DRAM2: variants seen among roughly 807,000 people sequenced by gnomAD.
The protein encoded by DRAM2 is DNA damage-regulated autophagy modulator protein 2.
A neutral mutation model predicts 33.5 loss-of-function variants in DRAM2; 26 were observed. That is an observed-to-expected ratio of 0.78 (90% CI 0.57 to 1.08). DRAM2 has a LOEUF of 1.08. Among genes scored for constraint, DRAM2 ranks in the 50% least tolerant of loss-of-function variants. DRAM2 has a pLI of 0.00. For synonymous variants in DRAM2, 98 were observed against 109.5 expected, an observed-to-expected ratio of 0.89 and a Z score of 0.66; for missense variants, 311 against 318.1, an observed-to-expected ratio of 0.98 and a Z score of 0.17.
intron 4 of DRAM2, among the ~76,000 whole-genome samples, chr1:111,128,517 G>A (rs185374184): frequency 8.4e-4 from 128 of 152,252 alleles, no homozygotes; most frequent in Middle Eastern, 3.4e-3. Context: ...CGGTATCTGT[G>A]GGGGACTGGT....
intron 4 of DRAM2, among the ~76,000 whole-genome samples, chr1:111,130,148 G>A (rs1016476915): frequency 6.6e-6 from 1 of 152,170 alleles, no homozygotes; most frequent in African/African-American, 2.4e-5. Flanking sequence ...CATTCGTTGT[G>A]AGATTTCAAA....
At chr1:111,129,932 T>C (rs982231104) in intron 4 of DRAM2, among the ~76,000 whole-genome samples, 37 of 152,316 alleles carry the variant, frequency 2.4e-4, no homozygotes, top group Non-Finnish European at 4.4e-4. Context: ...CTCTAGGGTG[T>C]AGAAACTGGA....
At chr1:111,126,995 C>G (rs192578395) in intron 4 of DRAM2, among the ~76,000 whole-genome samples, 2 of 152,254 alleles carry the variant, frequency 1.3e-5, no homozygotes, top group Non-Finnish European at 2.9e-5. Context: ...TGCAACACAC[C>G]GGGGCAGATT....
intron 5 of DRAM2, among the ~76,000 whole-genome samples, chr1:111,126,022 AT>A (rs1046031755): frequency 3.3e-5 from 5 of 151,700 alleles, no homozygotes; most frequent in African/African-American, 1.2e-4. Flanking sequence ...TCCGACACAT[AT>A]TTTTTTAAAG....
intron 6 of DRAM2, among the ~76,000 whole-genome samples, chr1:111,122,062 G>C (rs1650155611): frequency 6.6e-6 from 1 of 152,084 alleles, no homozygotes; most frequent in Non-Finnish European, 1.5e-5. Context: ...TGCAAAATTA[G>C]GCTTGAAAGG....
intron 2 of DRAM2, among the ~76,000 whole-genome samples, chr1:111,138,294 C>T (rs756102959): frequency 4.6e-5 from 7 of 152,174 alleles, no homozygotes; most frequent in Non-Finnish European, 8.8e-5. Context: ...CGAATGACAA[C>T]TGAGGAATTT....
At chr1:111,119,604 A>G (rs1649570204) in intron 8 of DRAM2, 2 of 405,756 alleles carry the variant, frequency 4.9e-6, no homozygotes, top group South Asian at 6.6e-5. Flanking sequence ...TATATTATAT[A>G]CTATACCCAC....
intron 4 of DRAM2, among the ~76,000 whole-genome samples, chr1:111,127,032 G>GTGGTAAGTAA (rs1651149244): frequency 6.6e-6 from 1 of 152,246 alleles, no homozygotes; most frequent in African/African-American, 2.4e-5. Context: ...CTTACTGCAG[G>GTGGTAAGTAA]ACCTTAGGTT....
chr1:111,122,908 CAATA>C (rs1335859325), intron 6 of DRAM2, among the ~76,000 whole-genome samples: 2 of 152,098 alleles, frequency 1.3e-5, no homozygotes, highest in Non-Finnish European at 2.9e-5. Flanking sequence ...AAAAGCAAAA[CAATA>C]AAGAAAGTAT....
intron 4 of DRAM2, among the ~76,000 whole-genome samples, chr1:111,127,287 T>A (rs747363331): frequency 2.0e-5 from 3 of 152,096 alleles, no homozygotes; most frequent in Non-Finnish European, 2.9e-5. Context: ...AAAGAGATAA[T>A]TAGGGTCTCA....
chr1:111,135,917 T>A (rs1162082129), intron 3 of DRAM2, among the ~76,000 whole-genome samples: 2 of 152,214 alleles, frequency 1.3e-5, no homozygotes, highest in Admixed American at 1.3e-4. Flanking sequence ...TATTCATGAT[T>A]TTTCTATTTC....
At chr1:111,131,389 A>G in intron 4 of DRAM2, 35 bp downstream of exon 4, 4 of 1,573,754 alleles carry the variant, frequency 2.5e-6, no homozygotes, top group Non-Finnish European at 3.5e-6. Flanking sequence ...ATGAGACATA[A>G]AGAGTCTCCT....
At position 111,139,495 on chromosome 1, in the gene DRAM2, A is replaced by G. The variant is rs1353138267; in HGVS notation, c.-79+6T>C. The G allele has an allele frequency of 1.3e-5, 2 of 152,308 alleles. No individual in the cohort carries two copies. Among genetic ancestry groups the G allele is most frequent in the Non-Finnish European group, 2.9e-5 (2 of 68,094 alleles). The allele number at this position is 152,308 out of a possible 1,614,324, so 9.4% of individuals were successfully genotyped here. ...AGCCACCAAAGTATCTGAACCCAGA[A>G]CTCACAACAGGAACGTGTACTCAAC... On this transcript the variant is annotated splice_donor_region_variant and intron_variant, in intron 2 of 9. Transcript: ENST00000484310.
At chr1:111,129,447 T>C (rs1184556099) in intron 4 of DRAM2, among the ~76,000 whole-genome samples, 1 of 152,230 alleles carries the variant, frequency 6.6e-6, no homozygotes, top group Non-Finnish European at 1.5e-5. Flanking sequence ...TTAATAATTA[T>C]GTTTCCTTCA....
chr1:111,127,184 GATACCCATTAAAT>G (rs1651179460), intron 4 of DRAM2, among the ~76,000 whole-genome samples: 1 of 152,180 alleles, frequency 6.6e-6, no homozygotes, highest in Non-Finnish European at 1.5e-5. Flanking sequence ...GCTAATGGGA[GATACCCATTAAAT>G]ATTAGTTCTT....
At chr1:111,126,096 G>C (rs568646922) in intron 5 of DRAM2, 131 bp downstream of exon 5, 14 of 619,912 alleles carry the variant, frequency 2.3e-5, no homozygotes, top group Non-Finnish European at 3.9e-5. Context: ...GCATAATTAT[G>C]ATCAATTATT....
rs1278683587 is a variant in DRAM2, at chr1:111,126,437, G to A, written c.132-143C>T. ...AGTTCAACTCATATCATTTTATACA[G>A]AGAACATGACAATTTGAGTTCACAA... On this transcript the variant is annotated intron_variant, in intron 4 of 9. Coordinates refer to ENST00000484310, the MANE Select transcript of DRAM2 (RefSeq NM_001349884.2). 9.2e-6 allele frequency: 5 copies of A among 542,834 alleles called. No homozygotes were observed. In the East Asian group the frequency reaches 1.4e-4, roughly 15 times the overall value. 33.6% of individuals were successfully genotyped at this position (542,834 alleles called of 1,614,324 possible).
chr1:111,124,812 TTGA>T lies in DRAM2; in HGVS notation c.266_268del (p.Ile89del), dbSNP rs745515631. On this transcript the variant is annotated inframe_deletion, in exon 6 of 10. Coordinates refer to ENST00000484310, the MANE Select transcript of DRAM2 (RefSeq NM_001349884.2). ...AAGTACAAGGCCAGCCTTGTTTAATTTGATGATAACGTTCTCTTCAGGACTCAG... is the reference window on the plus strand; with the variant it reads ...AAGTACAAGGCCAGCCTTGTTTAATTTGATAACGTTCTCTTCAGGACTCAG... The T allele has an allele frequency of 1.2e-6, 2 of 1,613,572 alleles. No individual in the cohort carries two copies. The highest frequency in any genetic ancestry group is 2.2e-5 in the East Asian group (1 of 44,832).
rs144392283 is a variant in DRAM2 at position 111,129,282 on chromosome 1, T to C, written c.131+2142A>G. On this transcript the variant is annotated intron_variant, in intron 4 of 9. Coordinates refer to ENST00000484310, the MANE Select transcript of DRAM2 (RefSeq NM_001349884.2). ...CAAAACAAAAAATATTACTCAACAA[T>C]AGCAACAAAATTTGGCATCTCTGTG... Among the ~76,000 whole-genome samples the C allele has an allele frequency of 4.9e-3, 745 of 152,214 alleles. 7 individuals carry two copies. The highest frequency in any genetic ancestry group is 0.017 in the African/African-American group (718 of 41,546).
Sources: gnomAD v4.1 joint callset for allele counts (sites outside exome capture counted in the v4.1 genomes callset) on GRCh38, gnomAD v4.1.1 for gene constraint, MANE v1.5 for transcripts, NCBI Gene and HGNC (gene_info 2026-07-23, HGNC 2026-07-21) for gene names.